TENM2: variants seen among roughly 807,000 people sequenced by gnomAD.
The protein encoded by TENM2 is teneurin-2.
Under a neutral mutation model 245.2 loss-of-function variants are expected in TENM2, and 52 were observed. That is an observed-to-expected ratio of 0.21 (90% confidence interval 0.17 to 0.27). The LOEUF is 0.27. Among genes scored for constraint, TENM2 ranks in the 10% least tolerant of loss-of-function variants. The probability of loss-of-function intolerance (pLI) is 1.00; values close to 1 mark genes in which losing one functional copy is unlikely to be tolerated. For missense variants in TENM2, 3,046 were observed against 3,666.8 expected (o/e 0.83, Z 4.37); for synonymous variants, 1,363 against 1,438.9 (o/e 0.95, Z 1.19).
At chr5:168,008,769 T>C (rs1429622873) in intron 5 of TENM2, among the ~76,000 whole-genome samples, 1 of 152,132 alleles carries the variant, frequency 6.6e-6, no homozygotes, top group Non-Finnish European at 1.5e-5. Context: ...AACTGAAAAA[T>C]TAAAAATTAA....
intron 7 of TENM2, among the ~76,000 whole-genome samples, chr5:168,070,584 C>A (rs939890328): frequency 7.3e-5 from 11 of 149,840 alleles, no homozygotes; most frequent in African/African-American, 2.7e-4. Context: ...ATATCAAGAC[C>A]GCCCTGGACA....
chr5:168,074,130 A>G (rs1485843612), intron 7 of TENM2, among the ~76,000 whole-genome samples: 1 of 152,188 alleles, frequency 6.6e-6, no homozygotes, highest in East Asian at 1.9e-4. Flanking sequence ...AAATATTCAT[A>G]GTGATCATAT....
At chr5:167,620,782 C>G (rs945680740) in intron 2 of TENM2, among the ~76,000 whole-genome samples, 1 of 151,968 alleles carries the variant, frequency 6.6e-6, no homozygotes, top group Non-Finnish European at 1.5e-5. Context: ...GTTTAGAGCT[C>G]TGGTCTCCTT....
chr5:167,247,652 G>T, the TENM2 span, among the ~76,000 whole-genome samples: 4 of 152,052 alleles, frequency 2.6e-5, no homozygotes, highest in Non-Finnish European at 5.9e-5. Context: ...TTATCTTCTA[G>T]TTAAAAAGAA....
the TENM2 span, among the ~76,000 whole-genome samples, chr5:167,037,808 C>T: frequency 6.6e-6 from 1 of 152,306 alleles, no homozygotes; most frequent in South Asian, 2.1e-4. Flanking sequence ...TCACCTTGGT[C>T]CCTTGAGTAA....
At chr5:167,225,095 T>G in the TENM2 span, among the ~76,000 whole-genome samples, 3 of 152,006 alleles carry the variant, frequency 2.0e-5, no homozygotes, top group African/African-American at 7.2e-5. Flanking sequence ...GTTCTAAGAG[T>G]ATTTGGTAGA....
the TENM2 span, among the ~76,000 whole-genome samples, chr5:167,034,011 T>C: frequency 1.3e-5 from 2 of 152,320 alleles, no homozygotes; most frequent in Non-Finnish European, 2.9e-5. Context: ...TATTTAAAGA[T>C]ATAAGAAGAA....
At chr5:168,068,062 C>T (rs529852140) in intron 7 of TENM2, among the ~76,000 whole-genome samples, 1 of 152,098 alleles carries the variant, frequency 6.6e-6, no homozygotes, top group Admixed American at 6.6e-5. Context: ...CTGGACAGAC[C>T]CCTTCTGGTT....
intron 3 of TENM2, among the ~76,000 whole-genome samples, chr5:167,916,242 A>G (rs1346630275): frequency 6.6e-6 from 1 of 152,048 alleles, no homozygotes; most frequent in Non-Finnish European, 1.5e-5. Flanking sequence ...CTGGAAGCAA[A>G]ATATTCTTTC....
chr5:167,052,758 TGA>T, the TENM2 span, among the ~76,000 whole-genome samples: 1 of 152,030 alleles, frequency 6.6e-6, no homozygotes, highest in Non-Finnish European at 1.5e-5. Context: ...AGCTAAGATA[TGA>T]GTTTTCTTTT....
chr5:167,282,000 C>A (rs1771093715), upstream of TENM2, among the ~76,000 whole-genome samples: 3 of 107,416 alleles, frequency 2.8e-5, no homozygotes, highest in Non-Finnish European at 5.6e-5. Context: ...AACTCCATCT[C>A]AAAAAAAAAA....
At chr5:167,457,600 C>A (rs1245338848) in intron 2 of TENM2, among the ~76,000 whole-genome samples, 2 of 152,124 alleles carry the variant, frequency 1.3e-5, no homozygotes, top group East Asian at 3.9e-4. Flanking sequence ...GCCCACTCGG[C>A]CTCCCAAAGT....
intron 12 of TENM2, among the ~76,000 whole-genome samples, chr5:168,162,173 A>T (rs1336425091): frequency 3.9e-5 from 6 of 152,228 alleles, no homozygotes; most frequent in African/African-American, 1.4e-4. Flanking sequence ...GATGGCGGGC[A>T]CTTTGCCTCC....
chr5:167,547,479 CTTTTG>C (rs1562045018), intron 2 of TENM2, among the ~76,000 whole-genome samples: 1 of 152,170 alleles, frequency 6.6e-6, no homozygotes, highest in Non-Finnish European at 1.5e-5. Flanking sequence ...CTCAACCACA[CTTTTG>C]TTTTTCGAAA....
chr5:167,444,521 C>T (rs1451825042), intron 2 of TENM2, among the ~76,000 whole-genome samples: 2 of 152,122 alleles, frequency 1.3e-5, no homozygotes, highest in Admixed American at 6.6e-5. Context: ...CTGAAACAAA[C>T]TCAAGTTGAA....
At chr5:167,177,236 G>A in the TENM2 span, among the ~76,000 whole-genome samples, 1 of 152,076 alleles carries the variant, frequency 6.6e-6, no homozygotes, top group Non-Finnish European at 1.5e-5. Context: ...ATGGCTAGTA[G>A]TTATGTAGTA....
At chr5:167,202,684 G>T in the TENM2 span, among the ~76,000 whole-genome samples, 1 of 152,096 alleles carries the variant, frequency 6.6e-6, no homozygotes, top group Non-Finnish European at 1.5e-5. Context: ...GCTCCTGGGA[G>T]TACAAAATCC....
At chr5:167,916,842 C>G (rs1776988972) in intron 3 of TENM2, among the ~76,000 whole-genome samples, 1 of 152,242 alleles carries the variant, frequency 6.6e-6, no homozygotes, top group African/African-American at 2.4e-5. Flanking sequence ...GCAAAACCAT[C>G]AGCCCAGGCT....
exon 2 of TENM2, chr5:167,375,323 G>C (rs1760682382): frequency 1.3e-6 from 2 of 1,551,618 alleles, no homozygotes; most frequent in Non-Finnish European, 1.7e-6. Context: ...CGCCGACTCC[G>C]ACACCGAGGG....
Sources: gnomAD v4.1 joint callset for allele counts (sites outside exome capture counted in the v4.1 genomes callset) on GRCh38, gnomAD v4.1.1 for gene constraint, MANE v1.5 for transcripts, NCBI Gene and HGNC (gene_info 2026-07-23, HGNC 2026-07-21) for gene names.